The following KCNA5 variants were observed in gnomAD, a reference collection of about 807,000 sequenced individuals.
KCNA5 encodes the protein cardiac potassium channel.
KCNA5 carries 22 observed loss-of-function variants against 26.5 expected under a neutral mutation model. The ratio of observed to expected loss-of-function variants is 0.83; its 90% CI spans 0.59 to 1.18. KCNA5 has a LOEUF of 1.18. Ranked by LOEUF, KCNA5 falls within the 50% of genes most tolerant of loss-of-function variation. The pLI, the probability that KCNA5 is intolerant of heterozygous loss-of-function variation, is 0.00. For missense variants in KCNA5, 916 were observed against 843.2 expected (o/e 1.09, Z -1.07); for synonymous variants, 465 against 372.8 (o/e 1.25, Z -2.85).
rs147197747 is a variant in KCNA5, at chr12:5,045,926, C to G, written c.1779C>G (p.Asn593Lys). The change falls in exon 1 of 1, where the codon AAC becomes AAG. Residue 593 changes from asparagine to lysine, a missense_variant. Asn to Lys is a moderately conservative substitution (Grantham distance 94). Transcript: ENST00000252321. This position sits in a 1 kb window ranked among gnomAD's most constrained non-coding sequence, Gnocchi z 5.6. ...LEKCNVKAKS[N>K]VDLRRSLYAL... The stretch of plus-strand genomic sequence containing the variant: ...AGTGTAACGTCAAGGCCAAGAGCAA[C>G]GTGGACTTGCGGAGGTCCCTTTATG... The G allele has an allele frequency of 6.2e-7, 1 of 1,613,940 alleles. No individual in the cohort carries two copies. Among genetic ancestry groups the G allele is most frequent in the Non-Finnish European group, 8.5e-7 (1 of 1,180,040 alleles).
In KCNA5 at chr12:5,046,029, T is replaced by TGGG; in HGVS notation, c.*41_*43dup. 6.2e-7 allele frequency: 1 copy of TGGG among 1,611,484 alleles called. No individual in the cohort carries two copies. Among genetic ancestry groups the TGGG allele is most frequent in the Non-Finnish European group, 8.5e-7 (1 of 1,178,782 alleles). On this transcript the variant is annotated 3_prime_UTR_variant, in exon 1 of 1. Coordinates refer to ENST00000252321, the MANE Select transcript of KCNA5 (RefSeq NM_002234.4). ...AGACTGGTGGCAGTGGAGTAGGGAA[T>TGGG]GGGAGGCTTGCTGAACATGGATATC...
rs1591661856 is a variant in KCNA5 at position 5,045,201 on chromosome 12, T to C, written c.1054T>C (p.Phe352Leu). Residue 352 changes from phenylalanine to leucine, a missense_variant, in exon 1 of 1, where the codon TTC becomes CTC. Physicochemically the swap from Phe to Leu is conservative, Grantham distance 22 (BLOSUM62 0). Coordinates refer to ENST00000252321, the MANE Select transcript of KCNA5 (RefSeq NM_002234.4). The surrounding 1 kb of genome is among the most constrained non-coding windows in gnomAD (Gnocchi z 5.6). The stretch of plus-strand genomic sequence containing the variant: ...CTTCGCCTGCCCCAGCAAGGCAGGG[T>C]TCTCCCGGAACATCATGAACATCAT... Reference protein sequence around the residue: ...RFFACPSKAGFSRNIMNIIDV... With the variant: ...RFFACPSKAGLSRNIMNIIDV... The C allele has an allele frequency of 6.2e-7, 1 of 1,614,142 alleles. No homozygotes were observed. The highest frequency in any genetic ancestry group is 2.2e-5 in the East Asian group (1 of 44,862).
chr12:5,044,157 G>A lies in KCNA5; in HGVS notation c.10G>A (p.Ala4Thr). 1 of 1,535,626 alleles carries A rather than the reference G, an allele frequency of 6.5e-7. No individual in the cohort carries two copies. Among genetic ancestry groups the A allele is most frequent in the Non-Finnish European group, 8.7e-7 (1 of 1,146,606 alleles). Residue 4 changes from alanine to threonine, a missense_variant, in exon 1 of 1, where the codon GCC (alanine) becomes ACC (threonine). Ala to Thr is a moderately conservative substitution (Grantham distance 58, BLOSUM62 0). Transcript: ENST00000252321. Reference protein sequence around the residue: MEIALVPLENGGAM... With the variant: MEITLVPLENGGAM... ...CCTCTGCTCCCGCGCCATGGAGATC[G>A]CCCTGGTGCCCCTGGAGAACGGCGG...
Position 5,045,908 on chromosome 12 carries a change from C to A in KCNA5, c.1761C>A (p.Asn587Lys). ...RRGSCPLEKC[N>K]VKAKSNVDLR... is the part of the protein sequence containing the mutation. ...GCAGCTGCCCCCTAGAGAAGTGTAA[C>A]GTCAAGGCCAAGAGCAACGTGGACT... is the stretch of plus-strand genomic sequence containing the variant. The change falls in exon 1 of 1, where the codon AAC becomes AAA. Residue 587 changes from asparagine (N) to lysine (K), a missense_variant. Coordinates refer to ENST00000252321, the MANE Select transcript of KCNA5 (RefSeq NM_002234.4). This position sits in a 1 kb window ranked among gnomAD's most constrained non-coding sequence, Gnocchi z 5.6. 1.2e-6 allele frequency: 2 copies of A among 1,614,048 alleles called. No individual in the cohort carries two copies. The highest frequency in any genetic ancestry group is 2.7e-5 in the African/African-American group (2 of 75,062).
rs775877472 is a variant in KCNA5 at position 5,044,486 on chromosome 12, C to T, written c.339C>T (p.Gly113=). Reference sequence around the variant, plus strand: ...GCACGGTGGAGGACCAGGCTCTGGGCACGGCGTCCCTGCACCACCAGCGCG... The same window carrying T: ...GCACGGTGGAGGACCAGGCTCTGGGTACGGCGTCCCTGCACCACCAGCGCG... The part of the protein sequence containing the change: ...GLGTVEDQAL[G]TASLHHQRVH... Residue 113 remains glycine (G), a synonymous_variant, in exon 1 of 1, where the codon GGC becomes GGT. Coordinates refer to ENST00000252321, the MANE Select transcript of KCNA5 (RefSeq NM_002234.4). The T allele has an allele frequency of 1.2e-6, 2 of 1,611,968 alleles. No individual in the cohort carries two copies. The highest frequency in any genetic ancestry group is 1.1e-5 in the South Asian group (1 of 90,882).
At position 5,044,333 on chromosome 12, in the gene KCNA5, G is replaced by T. The variant is rs760015626; in HGVS notation, c.186G>T (p.Ser62=). Residue 62 remains serine, a synonymous_variant, in exon 1 of 1, where the codon TCG becomes TCT. Coordinates refer to ENST00000252321, the MANE Select transcript of KCNA5 (RefSeq NM_002234.4). ...KGRGAQRDAD[S]GVRPLPPLPD... ...GCGGCGCGCAGAGAGACGCGGACTCGGGAGTGCGGCCCTTGCCTCCGCTGC... is the reference window on the plus strand; with the variant it reads ...GCGGCGCGCAGAGAGACGCGGACTCTGGAGTGCGGCCCTTGCCTCCGCTGC... 1.9e-6 allele frequency: 3 copies of T among 1,548,090 alleles called. No homozygotes were observed. The highest frequency in any genetic ancestry group is 8.7e-7 in the Non-Finnish European group (1 of 1,152,224).
rs1469258897 is a variant in KCNA5 at position 5,045,272 on chromosome 12, A to G, written c.1125A>G (p.Glu375=). ...CCTACTTCATCACCCTGGGCACCGAACTGGCAGAGCAGCAGCCAGGGGGTG... is the reference window on the plus strand; with the variant it reads ...CCTACTTCATCACCCTGGGCACCGAGCTGGCAGAGCAGCAGCCAGGGGGTG... ...IFPYFITLGT[E]LAEQQPGGGG... The change falls in exon 1 of 1, where the codon GAA becomes GAG. Residue 375 remains glutamate, a synonymous_variant. Transcript: ENST00000252321. The surrounding 1 kb of genome is among the most constrained non-coding windows in gnomAD (Gnocchi z 5.6). 2.5e-6 allele frequency: 4 copies of G among 1,614,170 alleles called. No individual in the cohort carries two copies. The highest frequency in any genetic ancestry group is 3.3e-4 in the Middle Eastern group (2 of 6,062).
rs150208806 is a variant in KCNA5, at chr12:5,045,807, C to T, written c.1660C>T (p.Arg554Trp). The change falls in exon 1 of 1, where the codon CGG (arginine) becomes TGG (tryptophan). Residue 554 changes from arginine to tryptophan, a missense_variant. Physicochemically the swap from Arg to Trp is moderately radical, Grantham distance 101 (BLOSUM62 -3). Coordinates refer to ENST00000252321, the MANE Select transcript of KCNA5 (RefSeq NM_002234.4). The surrounding 1 kb of genome is among the most constrained non-coding windows in gnomAD (Gnocchi z 5.6). ...QGPGLDRGVQ[R>W]KVSGSRGSFC... ...GCCGGGGCTGGACAGAGGAGTCCAG[C>T]GGAAGGTCAGCGGGAGCAGGGGATC... The T allele has an allele frequency of 3.2e-5, 51 of 1,613,944 alleles. No individual in the cohort carries two copies. The highest frequency in any genetic ancestry group is 1.6e-4 in the Middle Eastern group (1 of 6,082).
At position 5,045,304 on chromosome 12, in the gene KCNA5, G is replaced by T; in HGVS notation, c.1157G>T (p.Gly386Val). 1.2e-6 allele frequency: 2 copies of T among 1,614,156 alleles called. No homozygotes were observed. Among genetic ancestry groups the T allele is most frequent in the Non-Finnish European group, 1.7e-6 (2 of 1,180,026 alleles). ...GAGCAGCAGCCAGGGGGTGGAGGAG[G>T]CGGCCAGAATGGGCAGCAGGCCATG... ...LAEQQPGGGG[G>V]GQNGQQAMSL... Residue 386 changes from glycine (G) to valine (V), a missense_variant, in exon 1 of 1, where the codon GGC becomes GTC. Coordinates refer to ENST00000252321, the MANE Select transcript of KCNA5 (RefSeq NM_002234.4). This position sits in a 1 kb window ranked among gnomAD's most constrained non-coding sequence, Gnocchi z 5.6.
At position 5,044,511 on chromosome 12, in the gene KCNA5, G is replaced by A; in HGVS notation, c.364G>A (p.Val122Ile). The A allele has an allele frequency of 1.2e-6, 2 of 1,613,042 alleles. No individual in the cohort carries two copies. The highest frequency in any genetic ancestry group is 1.7e-6 in the Non-Finnish European group (2 of 1,179,584). Residue 122 changes from valine (V) to isoleucine (I), a missense_variant, in exon 1 of 1, where the codon GTC (valine) becomes ATC (isoleucine). Val to Ile is a conservative substitution (Grantham distance 29). Transcript: ENST00000252321. ...LGTASLHHQR[V>I]HINISGLRFE... Reference sequence around the variant, plus strand: ...CACGGCGTCCCTGCACCACCAGCGCGTCCACATCAACATCTCCGGGCTGCG... The same window carrying A: ...CACGGCGTCCCTGCACCACCAGCGCATCCACATCAACATCTCCGGGCTGCG...
chr12:5,043,919 T>C lies in KCNA5; in HGVS notation c.-229T>C, dbSNP rs1862737082. The C allele has an allele frequency of 7.0e-6, 4 of 573,748 alleles. No individual in the cohort carries two copies. The highest frequency in any genetic ancestry group is 3.9e-5 in the African/African-American group (2 of 51,372). The allele number at this position is 573,748 out of a possible 1,614,324, so 35.5% of individuals were successfully genotyped here. A position where few individuals can be genotyped will look rare whatever the true frequency, so the allele number is the denominator to read the frequency against. On this transcript the variant is annotated 5_prime_UTR_variant, in exon 1 of 1. Coordinates refer to ENST00000252321, the MANE Select transcript of KCNA5 (RefSeq NM_002234.4). ...AAGGTTGCATCTGCTGGAAGGAGGC[T>C]TTTCGGCTGCTTGGTAACGGGCTGC...
Position 5,044,886 on chromosome 12 carries a change from G to C in KCNA5, c.739G>C (p.Gly247Arg). Reference protein sequence around the residue: ...WLIFEYPESSGSARAIAIVSV... With the variant: ...WLIFEYPESSRSARAIAIVSV... ...TATCTTCGAGTATCCGGAGAGCTCT[G>C]GGTCCGCGCGGGCCATCGCCATCGT... The change falls in exon 1 of 1, where the codon GGG becomes CGG. Residue 247 changes from glycine to arginine, a missense_variant. Physicochemically the swap from Gly to Arg is moderately radical, Grantham distance 125. Coordinates refer to ENST00000252321, the MANE Select transcript of KCNA5 (RefSeq NM_002234.4). 1 of 1,613,942 alleles carries C rather than the reference G, an allele frequency of 6.2e-7. No homozygotes were observed. The highest frequency in any genetic ancestry group is 8.5e-7 in the Non-Finnish European group (1 of 1,180,016).
Position 5,045,111 on chromosome 12 carries a change from G to A in KCNA5, c.964G>A (p.Asp322Asn), listed in dbSNP as rs139614200. 45 of 1,613,618 alleles carry A rather than the reference G, an allele frequency of 2.8e-5. No individual in the cohort carries two copies. The highest frequency in any genetic ancestry group is 1.1e-4 in the South Asian group (10 of 91,086). Reference protein sequence around the residue: ...VAPLLPRTLADPFFIVETTCV... With the variant: ...VAPLLPRTLANPFFIVETTCV... ...ACCGCTCCTGCCCAGGACCCTGGCC[G>A]ACCCCTTCTTCATCGTGGAGACCAC... The change falls in exon 1 of 1, where the codon GAC (aspartate) becomes AAC (asparagine). Residue 322 changes from aspartate to asparagine, a missense_variant. Asp to Asn is a conservative substitution (Grantham distance 23). Coordinates refer to ENST00000252321, the MANE Select transcript of KCNA5 (RefSeq NM_002234.4). The surrounding 1 kb of genome is among the most constrained non-coding windows in gnomAD (Gnocchi z 5.6).
Position 5,044,077 on chromosome 12 carries a change from G to A in KCNA5, c.-71G>A, listed in dbSNP as rs1565464771. 3 of 1,501,702 alleles carry A rather than the reference G, an allele frequency of 2.0e-6. No individual in the cohort carries two copies. Among genetic ancestry groups the A allele is most frequent in the Non-Finnish European group, 2.7e-6 (3 of 1,119,034 alleles). The allele number at this position is 1,501,702 out of a possible 1,614,324, so 93.0% of individuals were successfully genotyped here. On this transcript the variant is annotated 5_prime_UTR_variant, in exon 1 of 1. Transcript: ENST00000252321. ...GCTGGAGCGGAGCCTGACGCCAGGC[G>A]CCCGCGGAGCGTGAGTAGGGGGCGC...
rs943854010 is a variant in KCNA5, at chr12:5,044,063, G to A, written c.-85G>A. 6 of 1,465,168 alleles carry A rather than the reference G, an allele frequency of 4.1e-6. No homozygotes were observed. The highest frequency in any genetic ancestry group is 1.4e-5 in the African/African-American group (1 of 71,450). The allele number at this position is 1,465,168 out of a possible 1,614,324, so 90.8% of individuals were successfully genotyped here. ...GGGGCCGGCCGACCGCTGGAGCGGA[G>A]CCTGACGCCAGGCGCCCGCGGAGCG... On this transcript the variant is annotated 5_prime_UTR_variant, in exon 1 of 1. Coordinates refer to ENST00000252321, the MANE Select transcript of KCNA5 (RefSeq NM_002234.4).
At position 5,044,951 on chromosome 12, in the gene KCNA5, C is replaced by T. The variant is rs138362879; in HGVS notation, c.804C>T (p.Cys268=). Reference sequence around the variant, plus strand: ...TCCTCATCTCCATCATCACCTTCTGCTTGGAGACCCTGCCTGAGTTCAGGG... The same window carrying T: ...TCCTCATCTCCATCATCACCTTCTGTTTGGAGACCCTGCCTGAGTTCAGGG... ...LVILISIITF[C]LETLPEFRDE... The change falls in exon 1 of 1, where the codon TGC becomes TGT. Residue 268 remains cysteine, a synonymous_variant. Transcript: ENST00000252321. 19 of 1,613,530 alleles carry T rather than the reference C, an allele frequency of 1.2e-5. No homozygotes were observed. Among genetic ancestry groups the T allele is most frequent in the African/African-American group, 2.7e-5 (2 of 74,838 alleles).
Position 5,044,270 on chromosome 12 carries a change from G to T in KCNA5, c.123G>T (p.Gly41=). ...AGCTCCAGTGTCCCCCGACGGCTGG[G>T]CTCAGCGATGGGCCCAAGGAGCCGG... ...GGELQCPPTA[G]LSDGPKEPAP... Residue 41 remains glycine, a synonymous_variant, in exon 1 of 1, where the codon GGG becomes GGT. Coordinates refer to ENST00000252321, the MANE Select transcript of KCNA5 (RefSeq NM_002234.4). 3.9e-6 allele frequency: 6 copies of T among 1,543,686 alleles called. No individual in the cohort carries two copies. The highest frequency in any genetic ancestry group is 5.2e-6 in the Non-Finnish European group (6 of 1,150,606).
In KCNA5 at chr12:5,044,708, G is replaced by A. The variant is rs749404246; in HGVS notation, c.561G>A (p.Arg187=). The change falls in exon 1 of 1, where the codon AGG becomes AGA. Residue 187 remains arginine (R), a synonymous_variant. Coordinates refer to ENST00000252321, the MANE Select transcript of KCNA5 (RefSeq NM_002234.4). The part of the protein sequence containing the change: ...YYYQSGGRLR[R]PVNVSLDVFA... ...ACCAGTCCGGGGGCCGCCTGCGGAG[G>A]CCGGTCAACGTCTCCCTGGACGTGT... The A allele has an allele frequency of 4.4e-5, 71 of 1,614,058 alleles. No homozygotes were observed. Among genetic ancestry groups the A allele is most frequent in the Non-Finnish European group, 6.0e-5 (71 of 1,180,044 alleles).
At position 5,044,260 on chromosome 12, in the gene KCNA5, C is replaced by A; in HGVS notation, c.113C>A (p.Pro38Gln). ...QATGGELQCP[P>Q]TAGLSDGPKE... ...ACAGGGGGAGAGCTCCAGTGTCCCC[C>A]GACGGCTGGGCTCAGCGATGGGCCC... The change falls in exon 1 of 1, where the codon CCG becomes CAG. Residue 38 changes from proline to glutamine, a missense_variant. By Grantham distance (76) the Pro-to-Gln change is moderately conservative. Coordinates refer to ENST00000252321, the MANE Select transcript of KCNA5 (RefSeq NM_002234.4). 6.5e-7 allele frequency: 1 copy of A among 1,541,460 alleles called. No homozygotes were observed. The highest frequency in any genetic ancestry group is 8.7e-7 in the Non-Finnish European group (1 of 1,149,184).
Sources: allele counts gnomAD v4.1 joint callset, GRCh38; gene constraint gnomAD v4.1.1; non-coding constraint Gnocchi (gnomAD v3.1); transcripts MANE v1.5; gene names NCBI Gene and HGNC (gene_info 2026-07-23, HGNC 2026-07-21).